PLEKHG1: variants seen among roughly 807,000 people sequenced by gnomAD.
PLEKHG1 encodes pleckstrin homology and RhoGEF domain containing G1.
Under a neutral mutation model 100.8 loss-of-function variants are expected in PLEKHG1, and 44 were observed. That is an observed-to-expected ratio of 0.44 (90% CI 0.34 to 0.56). PLEKHG1 has a LOEUF of 0.56. Ranked by LOEUF, PLEKHG1 falls within the 20% of genes least tolerant of loss-of-function variation. The pLI is 0.01. For synonymous variants in PLEKHG1, 640 were observed against 662.5 expected (o/e 0.97, Z 0.52); for missense variants, 1,545 against 1,720.9 (o/e 0.90, Z 1.81).
At chr6:150,675,735 C>T (rs558828338) in intron 3 of PLEKHG1, among the ~76,000 whole-genome samples, 1 of 152,334 alleles carries the variant, frequency 6.6e-6, no homozygotes, top group East Asian at 1.9e-4. Context: ...GATCCACCTG[C>T]CTCGGCTTCC....
intron 3 of PLEKHG1, among the ~76,000 whole-genome samples, chr6:150,679,474 C>T (rs1370992600): frequency 6.6e-6 from 1 of 152,150 alleles, no homozygotes; most frequent in Admixed American, 6.5e-5. Flanking sequence ...TATCATAAAG[C>T]AAATCATGTT....
At chr6:150,644,342 T>TTTTTTTTTTTG (rs1562405073) in intron 2 of PLEKHG1, among the ~76,000 whole-genome samples, 4 of 145,908 alleles carry the variant, frequency 2.7e-5, no homozygotes, top group African/African-American at 7.8e-5. Context: ...GTGTTTTTTT[T>TTTTTTTTTTTG]TTTTTTTTTT....
intron 2 of PLEKHG1, among the ~76,000 whole-genome samples, chr6:150,641,876 C>CAAAAAAAAAAAAAAA (rs71554473): frequency 6.5e-5 from 5 of 76,806 alleles, no homozygotes; most frequent in Admixed American, 2.2e-4. Context: ...TGTGAAAAGG[C>CAAAAAAAAAAAAAAA]AAAAAAAAAA....
intron 1 of PLEKHG1, among the ~76,000 whole-genome samples, chr6:150,733,201 C>G (rs141210273): frequency 1.4e-4 from 21 of 152,306 alleles, no homozygotes; most frequent in Admixed American, 9.8e-4. Flanking sequence ...TCCTGGTGCC[C>G]TGACCGCTCA....
At chr6:150,768,107 A>G (rs1312657127) in intron 2 of PLEKHG1, among the ~76,000 whole-genome samples, 2 of 152,232 alleles carry the variant, frequency 1.3e-5, no homozygotes, top group African/African-American at 4.8e-5. Flanking sequence ...TCTGTGGCTA[A>G]TTAACACAGC....
rs951503111 is a variant in PLEKHG1, at chr6:150,822,846, G to T, written c.1448-808G>T. On this transcript the variant is annotated intron_variant, in intron 13 of 15. Transcript: ENST00000358517. ...AATACAAAAATTCACCAGGCATGGT[G>T]GTTTATGCCTGTAATCCCAGCTACT... is the stretch of plus-strand genomic sequence containing the variant. Among the ~76,000 whole-genome samples the T allele has an allele frequency of 2.6e-5, 4 of 152,272 alleles. No individual in the cohort carries two copies. The East Asian group carries it at 7.7e-4, about 29-fold the overall frequency.
At chr6:150,819,645 A>G (rs2128677729) in intron 11 of PLEKHG1, 34 bp from the exon 13 acceptor site, 1 of 1,197,164 alleles carries the variant, frequency 8.4e-7, no homozygotes, top group Non-Finnish European at 1.3e-6. Flanking sequence ...CCCTGACACC[A>G]CAGTCCCACT....
intron 3 of PLEKHG1, among the ~76,000 whole-genome samples, chr6:150,685,850 GAA>G (rs1224836068): frequency 6.6e-6 from 1 of 152,040 alleles, no homozygotes; most frequent in African/African-American, 2.4e-5. Flanking sequence ...GGGAAGGGGG[GAA>G]AAAAGAGTGA....
chr6:150,792,370 A>AACC (rs1428179721), intron 4 of PLEKHG1, among the ~76,000 whole-genome samples: 1 of 144,920 alleles, frequency 6.9e-6, no homozygotes, highest in Non-Finnish European at 1.5e-5. Flanking sequence ...AAAAAAAAAA[A>AACC]ACCAAAAAAA....
chr6:150,667,708 C>T (rs1779449890), intron 3 of PLEKHG1, among the ~76,000 whole-genome samples: 1 of 152,174 alleles, frequency 6.6e-6, no homozygotes, highest in Admixed American at 6.5e-5. Flanking sequence ...CGGTTTTCCT[C>T]ACACACCCTC....
intron 2 of PLEKHG1, among the ~76,000 whole-genome samples, chr6:150,645,971 A>G (rs1778476422): frequency 6.6e-6 from 1 of 152,272 alleles, no homozygotes; most frequent in African/African-American, 2.4e-5. Flanking sequence ...AACTGGATAC[A>G]TATAGTCTAC....
intron 3 of PLEKHG1, among the ~76,000 whole-genome samples, chr6:150,651,609 A>T (rs1476402891): frequency 6.6e-6 from 1 of 151,942 alleles, no homozygotes; most frequent in East Asian, 1.9e-4. Flanking sequence ...CCCTAATCCC[A>T]GCACTTTGGG....
chr6:150,637,370 G>T (rs1489781262), intron 1 of PLEKHG1, among the ~76,000 whole-genome samples: 1 of 149,912 alleles, frequency 6.7e-6, no homozygotes, highest in Non-Finnish European at 1.5e-5. Context: ...ACTGTTTTTT[G>T]TTTGTTTGTT....
intron 5 of PLEKHG1, among the ~76,000 whole-genome samples, chr6:150,796,869 C>T (rs111528118): frequency 8.5e-5 from 13 of 152,250 alleles, no homozygotes; most frequent in African/African-American, 2.6e-4. Context: ...TTTAAGACCT[C>T]GTGCTGCTAT....
At chr6:150,628,992 A>G (rs1160386240) in intron 1 of PLEKHG1, among the ~76,000 whole-genome samples, 1 of 152,174 alleles carries the variant, frequency 6.6e-6, no homozygotes, top group African/African-American at 2.4e-5. Flanking sequence ...GAAGAAACTG[A>G]GGGTTCTAGC....
chr6:150,674,646 T>TCC (rs1304303625), intron 3 of PLEKHG1, among the ~76,000 whole-genome samples: 2 of 127,418 alleles, frequency 1.6e-5, no homozygotes, highest in African/African-American at 5.9e-5. Context: ...TCTCTCTCTC[T>TCC]CTCTCTCTCT....
intron 1 of PLEKHG1, among the ~76,000 whole-genome samples, chr6:150,624,255 G>C (rs1166859119): frequency 1.3e-5 from 2 of 152,104 alleles, no homozygotes; most frequent in Admixed American, 6.5e-5. Context: ...CTGGGCCTTG[G>C]GGGTGCTGCT....
chr6:150,655,973 G>A (rs1216662557), intron 3 of PLEKHG1, among the ~76,000 whole-genome samples: 2 of 152,078 alleles, frequency 1.3e-5, no homozygotes, highest in Non-Finnish European at 2.9e-5. Context: ...GAGAGGTATA[G>A]CATTAGGAGA....
chr6:150,826,699 C>T (rs1161377682), intron 14 of PLEKHG1, among the ~76,000 whole-genome samples: 1 of 152,106 alleles, frequency 6.6e-6, no homozygotes, highest in Non-Finnish European at 1.5e-5. Context: ...TGCTCTGTCA[C>T]CCAGGCTGGA....
Sources: allele counts gnomAD v4.1 joint callset (sites outside exome capture counted in the v4.1 genomes callset), GRCh38; gene constraint gnomAD v4.1.1; transcripts MANE v1.5; gene names NCBI Gene and HGNC (gene_info 2026-07-23, HGNC 2026-07-21).